ANKRD13A: variants seen among roughly 807,000 people sequenced by gnomAD.
The protein encoded by ANKRD13A is ankyrin repeat domain-containing protein 13A.
A neutral mutation model predicts 81.3 loss-of-function variants in ANKRD13A; 48 were observed. That is an observed-to-expected ratio of 0.59 (90% CI 0.47 to 0.75). ANKRD13A has a LOEUF of 0.75. Ranked by LOEUF, ANKRD13A falls within the 30% of genes least tolerant of loss-of-function variation. The pLI, the probability that ANKRD13A is intolerant of heterozygous loss-of-function variation, is 0.00. For synonymous variants in ANKRD13A, 230 were observed against 270.1 expected (o/e 0.85, Z 1.45); for missense variants, 612 against 734.0 (o/e 0.83, Z 1.92).
chr12:110,025,688 CTTTTGGAG>C, intron 7 of ANKRD13A, 46 bp from the exon 8 acceptor site: 2 of 1,400,084 alleles, frequency 1.4e-6, no homozygotes, highest in Non-Finnish European at 2.0e-6. Context: ...GCTGTGCTTA[CTTTTGGAG>C]TTTTGATTCC....
chr12:110,028,067 C>T (rs780181458), intron 9 of ANKRD13A: 60 of 384,526 alleles, frequency 1.6e-4, no homozygotes, highest in Admixed American at 9.8e-4. Flanking sequence ...CTTTATATTG[C>T]AACAGAGCAC....
Position 110,037,893 on chromosome 12 carries a change from C to G in ANKRD13A, c.*339C>G. The G allele has an allele frequency of 5.4e-6, 1 of 186,120 alleles. No individual in the cohort carries two copies. The highest frequency in any genetic ancestry group is 1.1e-5 in the Non-Finnish European group (1 of 89,058). The allele number at this position is 186,120 out of a possible 1,614,324, so 11.5% of individuals were successfully genotyped here. ...CGCAGGTTTGTAGATAAATTTTTAT[C>G]AAGGAGTGATAACAAGACAAGTTAT... On this transcript the variant is annotated 3_prime_UTR_variant, in exon 15 of 15. Coordinates refer to ENST00000261739, the MANE Select transcript of ANKRD13A (RefSeq NM_033121.2).
chr12:110,000,643 A>G (rs1362589237), intron 1 of ANKRD13A, among the ~76,000 whole-genome samples: 1 of 151,870 alleles, frequency 6.6e-6, no homozygotes, highest in Non-Finnish European at 1.5e-5. Flanking sequence ...GAGGCCGGTT[A>G]TGCTGCTCAA....
intron 3 of ANKRD13A, among the ~76,000 whole-genome samples, chr12:110,015,400 A>G (rs937661228): frequency 1.3e-5 from 2 of 152,248 alleles, no homozygotes; most frequent in Admixed American, 6.5e-5. Context: ...CCCTTTGCCT[A>G]GAATAGGTGG....
At chr12:110,009,877 G>T (rs1298789964) in intron 1 of ANKRD13A, among the ~76,000 whole-genome samples, 1 of 152,038 alleles carries the variant, frequency 6.6e-6, no homozygotes, top group East Asian at 1.9e-4. Context: ...GTTTTGTTTT[G>T]TTTTTGAGAC....
intron 10 of ANKRD13A, 131 bp downstream of exon 10, chr12:110,028,773 T>C: frequency 7.7e-7 from 1 of 1,295,852 alleles, no homozygotes; most frequent in Non-Finnish European, 1.1e-6. Context: ...AGTCTCGCTC[T>C]GTCGCCTAGG....
rs138836219 is a variant in ANKRD13A, at chr12:110,009,920, A to G, written c.97-2085A>G. 9.6e-4 allele frequency among the ~76,000 whole-genome samples: 146 copies of G among 152,342 alleles called. 1 individual carries two copies. Among genetic ancestry groups the G allele is most frequent in the African/African-American group, 3.3e-3 (137 of 41,580 alleles). ...CGCTCTGTCACCCAGGCTGGAATGCAATGGCACAATCTCAGCTCACTGCAA... is the reference window on the plus strand; with the variant it reads ...CGCTCTGTCACCCAGGCTGGAATGCGATGGCACAATCTCAGCTCACTGCAA... On this transcript the variant is annotated intron_variant, in intron 1 of 14. Transcript: ENST00000261739.
chr12:110,003,557 G>T (rs987256066), intron 1 of ANKRD13A, among the ~76,000 whole-genome samples: 3 of 152,248 alleles, frequency 2.0e-5, no homozygotes, highest in Non-Finnish European at 4.4e-5. Flanking sequence ...TGTCTGTGTT[G>T]AGAGAGAGGA....
chr12:110,037,032 A>G (rs1309077879), intron 14 of ANKRD13A, among the ~76,000 whole-genome samples: 1 of 152,226 alleles, frequency 6.6e-6, no homozygotes, highest in Non-Finnish European at 1.5e-5. Context: ...AGATTACGGG[A>G]AAAACCGCGA....
chr12:110,025,150 T>G (rs1212226757), intron 7 of ANKRD13A, among the ~76,000 whole-genome samples: 1 of 152,056 alleles, frequency 6.6e-6, no homozygotes, highest in Non-Finnish European at 1.5e-5. Flanking sequence ...GAGGCCAGGA[T>G]TTTGAGACCA....
chr12:110,004,993 CAT>C (rs1172859550), intron 1 of ANKRD13A, among the ~76,000 whole-genome samples: 3 of 143,264 alleles, frequency 2.1e-5, no homozygotes, highest in African/African-American at 5.9e-5. Context: ...TATGTATAAA[CAT>C]ATACAGATTG....
intron 1 of ANKRD13A, among the ~76,000 whole-genome samples, chr12:110,005,398 T>A (rs987318035): frequency 1.2e-4 from 19 of 152,354 alleles, no homozygotes; most frequent in Admixed American, 4.6e-4. Context: ...GCCAAAGTGC[T>A]AAGATTACAG....
In ANKRD13A at chr12:110,036,269, A is replaced by C; in HGVS notation, c.1518A>C (p.Ser506=). Residue 506 remains serine (S), a synonymous_variant, in exon 14 of 15, where the codon TCA becomes TCC. Coordinates refer to ENST00000261739, the MANE Select transcript of ANKRD13A (RefSeq NM_033121.2). This position sits in a 1 kb window ranked among gnomAD's most constrained non-coding sequence, Gnocchi z 4.6. ...ACATTTGTCTTTGCCAGGAACTTTC[A>C]GGACCAGCTTCGAATGGAGGGATCA... ...LLESSRSQEL[S]GPASNGGISQ... 1 of 1,613,972 alleles carries C rather than the reference A, an allele frequency of 6.2e-7. No individual in the cohort carries two copies. The highest frequency in any genetic ancestry group is 8.5e-7 in the Non-Finnish European group (1 of 1,179,836).
At chr12:110,017,931 CAAAAA>C (rs35012464) in intron 4 of ANKRD13A, among the ~76,000 whole-genome samples, 1 of 108,258 alleles carries the variant, frequency 9.2e-6, no homozygotes, top group African/African-American at 3.5e-5. Context: ...GACTCCGTCT[CAAAAA>C]AAAAAAAAAG....
Position 110,028,569 on chromosome 12 carries a change from T to C in ANKRD13A, c.1003T>C (p.Tyr335His). The change falls in exon 10 of 15, where the codon TAC (tyrosine) becomes CAC (histidine). Residue 335 changes from tyrosine (Y) to histidine (H), a missense_variant. Physicochemically the swap from Tyr to His is moderately conservative, Grantham distance 83. Coordinates refer to ENST00000261739, the MANE Select transcript of ANKRD13A (RefSeq NM_033121.2). The part of the protein sequence containing the change: ...NNPTAITPDE[Y>H]FNEEFDLKDR... ...CCCCACAGCCATCACGCCTGATGAG[T>C]ACTTCAATGAAGAGTTTGATCTGAA... is the stretch of plus-strand genomic sequence containing the variant. 3 of 1,614,110 alleles carry C rather than the reference T, an allele frequency of 1.9e-6. No individual in the cohort carries two copies. The highest frequency in any genetic ancestry group is 2.5e-6 in the Non-Finnish European group (3 of 1,180,022).
intron 3 of ANKRD13A, 63 bp from the exon 4 acceptor site, chr12:110,016,325 C>T: frequency 7.8e-7 from 1 of 1,277,322 alleles, no homozygotes; most frequent in South Asian, 1.7e-5. Flanking sequence ...CCTGTTAACC[C>T]CTGCTTATGT....
intron 6 of ANKRD13A, among the ~76,000 whole-genome samples, chr12:110,020,727 A>G (rs7300927): frequency 0.28 from 43,352 of 152,226 alleles, 9,339 homozygotes; most frequent in African/African-American, 0.61. Flanking sequence ...AGGCAGAGGA[A>G]GCTGCCTTTT....
chr12:109,999,859 C>G lies in ANKRD13A; in HGVS notation c.96+75C>G. ...GGGGGTCGTTTCGCCTCCCTGAGCCCATTTCCAGCCCTCTGTCCCCGGGAT... is the reference window on the plus strand; with the variant it reads ...GGGGGTCGTTTCGCCTCCCTGAGCCGATTTCCAGCCCTCTGTCCCCGGGAT... On this transcript the variant is annotated intron_variant, in intron 1 of 14. Coordinates refer to ENST00000261739, the MANE Select transcript of ANKRD13A (RefSeq NM_033121.2). This position sits in a 1 kb window ranked among gnomAD's most constrained non-coding sequence, Gnocchi z 4.3. 1 of 1,332,076 alleles carries G rather than the reference C, an allele frequency of 7.5e-7. No homozygotes were observed. Among genetic ancestry groups the G allele is most frequent in the Non-Finnish European group, 1.0e-6 (1 of 989,204 alleles). 82.5% of individuals were successfully genotyped at this position (1,332,076 alleles called of 1,614,324 possible).
intron 11 of ANKRD13A, 74 bp from the exon 12 acceptor site, chr12:110,030,571 C>A: frequency 1.2e-6 from 1 of 819,540 alleles, no homozygotes; most frequent in Non-Finnish European, 1.9e-6. Flanking sequence ...GCATAGTAAG[C>A]ACTTAGTAAA....
Sources: gnomAD v4.1 joint callset for allele counts (sites outside exome capture counted in the v4.1 genomes callset) on GRCh38, gnomAD v4.1.1 for gene constraint, Gnocchi (gnomAD v3.1) non-coding constraint, MANE v1.5 for transcripts, NCBI Gene and HGNC (gene_info 2026-07-23, HGNC 2026-07-21) for gene names.